The following PCM1 variants were observed in gnomAD, a reference collection of about 807,000 sequenced individuals.
PCM1 encodes the protein pericentriolar material 1.
In PCM1, 157 loss-of-function variants were observed where a neutral mutation model predicts 241.9. That is an observed-to-expected ratio of 0.65 (90% CI 0.57 to 0.74). The LOEUF (loss-of-function observed/expected upper bound fraction) is 0.74. PCM1 is among the 30% of genes least tolerant of loss of function. The pLI is 0.00. For synonymous variants in PCM1, 1,085 were observed against 784.9 expected (o/e 1.38, Z -6.39); for missense variants, 3,478 against 2,360.1 (o/e 1.47, Z -9.81).
At position 17,974,956 on chromosome 8, in the gene PCM1, A is replaced by G. The variant is rs143826320; in HGVS notation, c.3943+2269A>G. Among the ~76,000 whole-genome samples the G allele has an allele frequency of 2.4e-4, 37 of 152,244 alleles. No homozygotes were observed. In the East Asian group the frequency reaches 4.5e-3, roughly 18 times the overall value. On this transcript the variant is annotated intron_variant, in intron 23 of 38. Transcript: ENST00000325083. ...CAGAGCCGAAGTAATATGGGGTAAA[A>G]TCAAATTAGCTCAATCCTTGCTATT...
chr8:17,940,268 G>T, intron 6 of PCM1: 1 of 598,606 alleles, frequency 1.7e-6, no homozygotes, highest in Non-Finnish European at 3.0e-6. Context: ...TGTATTCCAG[G>T]GAAGAACCCC....
intron 29 of PCM1, among the ~76,000 whole-genome samples, chr8:17,999,092 G>T (rs2088145100): frequency 6.6e-6 from 1 of 152,100 alleles, no homozygotes; most frequent in Non-Finnish European, 1.5e-5. Context: ...TGCTGTCCAG[G>T]AGCCAGGTTC....
intron 16 of PCM1, chr8:17,962,875 C>T (rs1015518944): frequency 5.2e-6 from 2 of 386,494 alleles, no homozygotes; most frequent in Non-Finnish European, 4.6e-6. Flanking sequence ...TGCACTCCAG[C>T]CCAGATGACA....
chr8:17,930,181 A>G (rs1355539418), intron 2 of PCM1, among the ~76,000 whole-genome samples: 2 of 145,718 alleles, frequency 1.4e-5, no homozygotes, highest in African/African-American at 2.6e-5. Context: ...TGGGTTCACT[A>G]CAAGCTCCGC....
intron 27 of PCM1, among the ~76,000 whole-genome samples, chr8:17,991,306 G>A (rs1026633404): frequency 6.6e-6 from 1 of 152,070 alleles, no homozygotes; most frequent in East Asian, 1.9e-4. Context: ...GAAAGCTTGA[G>A]CAAGTTACTT....
chr8:17,956,842 A>G, intron 11 of PCM1, 65 bp downstream of exon 11: 1 of 1,252,336 alleles, frequency 8.0e-7, no homozygotes. Flanking sequence ...ATAATGTGGG[A>G]ACAAAAATAC....
chr8:17,994,864 A>G (rs1230211768), intron 29 of PCM1, among the ~76,000 whole-genome samples: 1 of 151,440 alleles, frequency 6.6e-6, no homozygotes, highest in Non-Finnish European at 1.5e-5. Flanking sequence ...TCTTCTGCAC[A>G]TTTTAAAATT....
At position 18,027,744 on chromosome 8, in the gene PCM1, G is replaced by A. The variant is rs2094337498; in HGVS notation, c.*82G>A. ...ACAATACTAAATAAACATCTGATCT[G>A]TATAAAAATGTAAATTAGTTTGACA... On this transcript the variant is annotated 3_prime_UTR_variant, in exon 39 of 39. Transcript: ENST00000325083. 1 of 953,360 alleles carries A rather than the reference G, an allele frequency of 1.0e-6. No individual in the cohort carries two copies. Among genetic ancestry groups the A allele is most frequent in the East Asian group, 2.6e-5 (1 of 38,564 alleles). The allele number at this position is 953,360 out of a possible 1,614,324, so 59.1% of individuals were successfully genotyped here.
chr8:17,945,852 A>T (rs1349998800), intron 6 of PCM1, among the ~76,000 whole-genome samples: 2 of 152,196 alleles, frequency 1.3e-5, no homozygotes, highest in African/African-American at 4.8e-5. Flanking sequence ...TTTGAAATTT[A>T]CATAACCCGA....
chr8:17,978,751 TAAAG>T (rs3042000), intron 23 of PCM1, among the ~76,000 whole-genome samples: 11,285 of 152,136 alleles, frequency 0.074, 596 homozygotes, highest in African/African-American at 0.15. Flanking sequence ...AACAGTTTAA[TAAAG>T]AAAACAGTAG....
intron 29 of PCM1, 31 bp downstream of exon 29, chr8:17,993,650 C>T: frequency 6.5e-7 from 1 of 1,534,100 alleles, no homozygotes; most frequent in East Asian, 2.4e-5. Flanking sequence ...ATAAACGAAA[C>T]CTTCTATGTT....
At chr8:17,923,988 A>AT (rs1179794428) in intron 1 of PCM1, among the ~76,000 whole-genome samples, 1 of 119,776 alleles carries the variant, frequency 8.3e-6, no homozygotes, top group Non-Finnish European at 1.9e-5. Flanking sequence ...GCCTGGTTTA[A>AT]TTTTTTTTGT....
intron 15 of PCM1, among the ~76,000 whole-genome samples, chr8:17,961,350 G>T (rs1410487580): frequency 7.8e-6 from 1 of 127,620 alleles, no homozygotes; most frequent in Non-Finnish European, 1.5e-5. Flanking sequence ...TCGCTCTGTG[G>T]CCCAGGTGGG....
intron 36 of PCM1, among the ~76,000 whole-genome samples, chr8:18,019,661 A>G (rs2093603477): frequency 6.6e-6 from 1 of 152,128 alleles, no homozygotes; most frequent in Non-Finnish European, 1.5e-5. Context: ...TCCTACAAGA[A>G]TCTGTTGCCG....
chr8:18,018,424 A>G (rs1028725421), intron 36 of PCM1, among the ~76,000 whole-genome samples: 6 of 152,224 alleles, frequency 3.9e-5, no homozygotes, highest in African/African-American at 1.4e-4. Context: ...CATTGCCTAA[A>G]TTGCCCTCAT....
At chr8:18,009,453 A>G in intron 30 of PCM1, 94 bp from the exon 31 acceptor site, 2 of 753,634 alleles carry the variant, frequency 2.7e-6, no homozygotes, top group East Asian at 2.7e-5. Flanking sequence ...GTAATCATAA[A>G]CATTAGTTTT....
In PCM1 at chr8:17,980,698, A is replaced by G; in HGVS notation, c.4051A>G (p.Asn1351Asp). 1.2e-6 allele frequency: 2 copies of G among 1,613,042 alleles called. No homozygotes were observed. Among genetic ancestry groups the G allele is most frequent in the Non-Finnish European group, 1.7e-6 (2 of 1,179,368 alleles). The change falls in exon 24 of 39, where the codon AAT (asparagine) becomes GAT (aspartate). Residue 1351 changes from asparagine (N) to aspartate (D), a missense_variant. Transcript: ENST00000325083. ...PVQAKVFSRKNHEQLEKIIKC... is the reference protein window; with the variant it reads ...PVQAKVFSRKDHEQLEKIIKC... ...TCAAGCAAAAGTATTCAGCAGAAAG[A>G]ATCATGAGCAACTGGAAAAAATAAT...
rs376482418 is a variant in PCM1, at chr8:17,957,754, A to C, written c.2019A>C (p.Gln673His). The change falls in exon 13 of 39, where the codon CAA (glutamine) becomes CAC (histidine). Residue 673 changes from glutamine to histidine, a missense_variant. By Grantham distance (24) the Gln-to-His change is conservative (BLOSUM62 0). Transcript: ENST00000325083. ...CAAAACAGAAACTTAGACAGTTACA[A>C]GATCTTGTTGCTATGGTACAGGTAA... is the stretch of plus-strand genomic sequence containing the variant. ...MAAKQKLRQL[Q>H]DLVAMVQDDD... The C allele has an allele frequency of 5.0e-5, 80 of 1,612,766 alleles. No individual in the cohort carries two copies. Among genetic ancestry groups the C allele is most frequent in the Non-Finnish European group, 6.7e-5 (79 of 1,179,108 alleles).
chr8:18,015,651 C>A (rs1057441620), intron 36 of PCM1: 1 of 152,038 alleles, frequency 6.6e-6, no homozygotes. Flanking sequence ...GTTCCCACTT[C>A]CTGAATTGCT....
Sources: gnomAD v4.1 joint callset for allele counts (sites outside exome capture counted in the v4.1 genomes callset) on GRCh38, gnomAD v4.1.1 for gene constraint, MANE v1.5 for transcripts, NCBI Gene and HGNC (gene_info 2026-07-23, HGNC 2026-07-21) for gene names.